Variants in BMP1 observed in about 807,000 individuals in gnomAD.
BMP1 encodes mammalian tolloid protein.
A neutral mutation model predicts 116.8 loss-of-function variants in BMP1; 63 were observed. The ratio of observed to expected loss-of-function variants is 0.54; its 90% confidence interval spans 0.44 to 0.67. BMP1 has a LOEUF of 0.67. Among genes scored for constraint, BMP1 ranks in the 30% least tolerant of loss-of-function variants. The pLI is 0.00. For missense variants in BMP1, 1,183 were observed against 1,358.9 expected (o/e 0.87, Z 2.04); for synonymous variants, 536 against 533.4 (o/e 1.00, Z -0.07).
chr8:22,165,878 C>CGTGGGGGTGTGTGTGTGTGTGT (rs1432185239), intron 1 of BMP1, among the ~76,000 whole-genome samples: 1 of 67,712 alleles, frequency 1.5e-5, no homozygotes, highest in African/African-American at 4.5e-5. Flanking sequence ...AACTCCTGTG[C>CGTGGGGGTGTGTGTGTGTGTGT]GTGCGTGTGT....
chr8:22,177,735 A>AG lies in BMP1; in HGVS notation c.731-112dup, dbSNP rs75016937. ...TTGGCTGCTCCCCGGACCCTCAGGT[A>AG]GGGGGACTCTCTCAGATACAGGAAG... On this transcript the variant is annotated intron_variant, in intron 5 of 19. Transcript: ENST00000306385. 0.43 allele frequency: 361,753 copies of AG among 833,814 alleles called. 82,653 individuals are homozygous for AG. The highest frequency in any genetic ancestry group is 0.62 in the East Asian group (25,778 of 41,366). The allele number at this position is 833,814 out of a possible 1,614,324, so 51.7% of individuals were successfully genotyped here. A position where few individuals can be genotyped will look rare whatever the true frequency, so the allele number is the denominator to read the frequency against.
In BMP1 at chr8:22,207,877, TA is replaced by T. The variant is rs1384968705; in HGVS notation, c.2575+362del. Among the ~76,000 whole-genome samples, 546 of 150,532 alleles carry T rather than the reference TA, an allele frequency of 3.6e-3. 5 individuals carry two copies. Among genetic ancestry groups the T allele is most frequent in the African/African-American group, 0.013 (518 of 39,864 alleles). On this transcript the variant is annotated intron_variant, in intron 18 of 19. Transcript: ENST00000306385. Reference sequence around the variant, plus strand: ...TCTCTGATATTTATTTTTTTATTTTTATTTTTATTTATTTTTTATTTTTTGA... The same window carrying T: ...TCTCTGATATTTATTTTTTTATTTTTTTTTTATTTATTTTTTATTTTTTGA...
intron 15 of BMP1, chr8:22,201,081 C>A (rs752384035): frequency 1.3e-6 from 2 of 1,599,710 alleles, no homozygotes; most frequent in South Asian, 2.2e-5. Flanking sequence ...CCACCCCCAC[C>A]CCTTGGTCCC....
rs1219665095 is a variant in BMP1 at position 22,182,519 on chromosome 8, G to C, written c.1077+2036G>C. 2.6e-5 allele frequency among the ~76,000 whole-genome samples: 4 copies of C among 152,176 alleles called. 1 individual carries two copies. ...TGGTCATCTTTCTGTCGTTGGCCCA[G>C]GAAGTGTTTCATAAATGCTGAATAC... On this transcript the variant is annotated intron_variant, in intron 8 of 19. Transcript: ENST00000306385.
chr8:22,201,491 G>A (rs1829262534), intron 15 of BMP1: 11 of 1,400,648 alleles, frequency 7.9e-6, no homozygotes. Flanking sequence ...CAGTCTGCTT[G>A]TCCATGTGTC....
intron 15 of BMP1, chr8:22,198,968 C>G (rs536667436): frequency 3.9e-6 from 5 of 1,282,072 alleles, no homozygotes; most frequent in East Asian, 9.6e-5. Context: ...GGCTCTGCCC[C>G]GGGAAACCAT....
chr8:22,167,962 G>C (rs7812716), intron 1 of BMP1, among the ~76,000 whole-genome samples: 45,698 of 151,972 alleles, frequency 0.3, 6,927 homozygotes, highest in Middle Eastern at 0.35. Flanking sequence ...CTGACCTCCA[G>C]ATGCTGGAGG....
chr8:22,191,265 C>A (rs960705914), intron 8 of BMP1, among the ~76,000 whole-genome samples: 1 of 152,182 alleles, frequency 6.6e-6, no homozygotes, highest in African/African-American at 2.4e-5. Flanking sequence ...CTTGATGACT[C>A]ACAGCAGGAA....
intron 8 of BMP1, among the ~76,000 whole-genome samples, chr8:22,184,591 G>A (rs1828713498): frequency 6.6e-6 from 1 of 152,238 alleles, no homozygotes; most frequent in African/African-American, 2.4e-5. Context: ...GGCCTGCAGA[G>A]CCTGGTGTAG....
Position 22,201,808 on chromosome 8 carries a change from G to A in BMP1, c.2113G>A (p.Asp705Asn). 2 of 1,613,678 alleles carry A rather than the reference G, an allele frequency of 1.2e-6. No homozygotes were observed. The highest frequency in any genetic ancestry group is 1.7e-6 in the Non-Finnish European group (2 of 1,179,990). The stretch of plus-strand genomic sequence containing the variant: ...CCTTATTTGCTCCCCTGCAGACAAG[G>A]ACGAGTGCTCCAAGGATAACGGCGG... ...GFKAHFFSDK[D>N]ECSKDNGGCQ... Residue 705 changes from aspartate to asparagine, a missense_variant, in exon 16 of 20, where the codon GAC becomes AAC. Physicochemically the swap from Asp to Asn is conservative, Grantham distance 23. Coordinates refer to ENST00000306385, the MANE Select transcript of BMP1 (RefSeq NM_006129.5).
chr8:22,172,949 T>C (rs552911997), intron 1 of BMP1, among the ~76,000 whole-genome samples: 2 of 152,238 alleles, frequency 1.3e-5, no homozygotes, highest in African/African-American at 4.8e-5. Context: ...CTTAGTTAAA[T>C]TGAAACAGCA....
At chr8:22,175,310 A>G (rs577546870) in intron 2 of BMP1, among the ~76,000 whole-genome samples, 1 of 152,338 alleles carries the variant, frequency 6.6e-6, no homozygotes, top group Admixed American at 6.5e-5. Context: ...AGAGTTCTGA[A>G]TGCTCCACAA....
intron 13 of BMP1, 27 bp from the exon 14 acceptor site, chr8:22,196,653 A>C: frequency 1.2e-6 from 2 of 1,613,318 alleles, no homozygotes; most frequent in Non-Finnish European, 1.7e-6. Context: ...CTCCCCGCAG[A>C]CGATGCCACC....
chr8:22,171,237 C>G lies in BMP1; in HGVS notation c.149-2365C>G, dbSNP rs561709159. On this transcript the variant is annotated intron_variant, in intron 1 of 19. Transcript: ENST00000306385. ...TGACCTTGAGTGAGTTATCGCCCTT[C>G]ATAGGCTCAAGTGTTCTGATGTCTA... 3.3e-5 allele frequency: 5 copies of G among 152,328 alleles called. No homozygotes were observed. In the East Asian group the frequency reaches 9.6e-4, roughly 29 times the overall value. 9.4% of individuals were successfully genotyped at this position (152,328 alleles called of 1,614,324 possible). A position where few individuals can be genotyped will look rare whatever the true frequency, so the allele number is the denominator to read the frequency against.
rs1260047496 is a variant in BMP1 at position 22,199,738 on chromosome 8, G to T, written c.2108-2065G>T. Among the ~76,000 whole-genome samples, 3 of 152,140 alleles carry T rather than the reference G, an allele frequency of 2.0e-5. No individual in the cohort carries two copies. The East Asian group carries it at 5.8e-4, about 29-fold the overall frequency. On this transcript the variant is annotated intron_variant, in intron 15 of 19. Coordinates refer to ENST00000306385, the MANE Select transcript of BMP1 (RefSeq NM_006129.5). ...GTTGTCCTTAGTGAACCCCAGGATGGCTCATAGGGTGCCCTTCACCCCCAC... is the reference window on the plus strand; with the variant it reads ...GTTGTCCTTAGTGAACCCCAGGATGTCTCATAGGGTGCCCTTCACCCCCAC...
chr8:22,180,630 G>T lies in BMP1; in HGVS notation c.1077+147G>T. ...CAAGTCCAGAGCGCTGATGGAGCAC[G>T]GCTGTAGGAAGGGGCTCCTGGCATT... is the stretch of plus-strand genomic sequence containing the variant. On this transcript the variant is annotated intron_variant, in intron 8 of 19. Transcript: ENST00000306385. 4.5e-6 allele frequency: 3 copies of T among 667,524 alleles called. No homozygotes were observed. In the South Asian group the frequency reaches 5.6e-5, roughly 12 times the overall value. The allele number at this position is 667,524 out of a possible 1,614,324, so 41.4% of individuals were successfully genotyped here.
chr8:22,177,830 A>T (rs768797694), intron 5 of BMP1, 22 bp from the exon 6 acceptor site: 1 of 1,541,764 alleles, frequency 6.5e-7, no homozygotes, highest in African/African-American at 1.4e-5. Flanking sequence ...CTCCCCCCAC[A>T]CCCTTTTCCT....
chr8:22,211,811 G>C lies in BMP1; in HGVS notation c.*83G>C. ...ATAGTGGGGGTGGGCGGAAGGCAAC[G>C]CACCATCCCTCTCCCCCAGGCCCCA... On this transcript the variant is annotated 3_prime_UTR_variant, in exon 20 of 20. Transcript: ENST00000306385. 1.3e-6 allele frequency: 2 copies of C among 1,594,404 alleles called. No homozygotes were observed. Among genetic ancestry groups the C allele is most frequent in the Non-Finnish European group, 1.7e-6 (2 of 1,168,408 alleles).
rs185447691 is a variant in BMP1 at position 22,205,980 on chromosome 8, A to G, written c.2234-874A>G. 1.4e-4 allele frequency among the ~76,000 whole-genome samples: 21 copies of G among 152,270 alleles called. No homozygotes were observed. In the East Asian group the frequency reaches 4.1e-3, roughly 29 times the overall value. On this transcript the variant is annotated intron_variant, in intron 16 of 19. Transcript: ENST00000306385. ...GTCTGTTGACTTCACCTGGGAGGGT[A>G]GCAGGAGTGGGGGTGGGGAGAACTG...
Sources: allele counts gnomAD v4.1 joint callset (sites outside exome capture counted in the v4.1 genomes callset), GRCh38; gene constraint gnomAD v4.1.1; transcripts MANE v1.5; gene names NCBI Gene and HGNC (gene_info 2026-07-23, HGNC 2026-07-21).